ANO1: variants seen among roughly 807,000 people sequenced by gnomAD.
The protein encoded by ANO1 is anoctamin-1.
A neutral mutation model predicts 124.0 loss-of-function variants in ANO1; 59 were observed. The observed-to-expected ratio is 0.48, with a 90% CI of 0.39 to 0.59. The LOEUF (loss-of-function observed/expected upper bound fraction) is 0.59, where lower values mean the gene tolerates loss of function less well. Ranked by LOEUF, ANO1 falls within the 20% of genes least tolerant of loss-of-function variation. ANO1 has a pLI of 0.00. For synonymous variants in ANO1, 529 were observed against 532.0 expected (o/e 0.99, Z 0.08); for missense variants, 1,059 against 1,328.0 (o/e 0.80, Z 3.15).
intron 1 of ANO1, chr11:70,085,346 C>T (rs2044330527): frequency 6.3e-6 from 9 of 1,428,084 alleles, no homozygotes; most frequent in Non-Finnish European, 6.4e-6. Context: ...AGCCACCCAC[C>T]CACATGGGCG....
At chr11:70,037,614 G>A (rs1213349703) in intron 1 of ANO1, among the ~76,000 whole-genome samples, 1 of 152,230 alleles carries the variant, frequency 6.6e-6, no homozygotes, top group African/African-American at 2.4e-5. Flanking sequence ...CTGCATGACA[G>A]CTGAGGGGTC....
At chr11:70,027,722 G>A (rs556701311) in intron 1 of ANO1, among the ~76,000 whole-genome samples, 1 of 152,338 alleles carries the variant, frequency 6.6e-6, no homozygotes, top group African/African-American at 2.4e-5. Context: ...GTGGCCACGT[G>A]TGCCAGGGCA....
At chr11:70,165,851 C>T (rs1590902058) in intron 20 of ANO1, among the ~76,000 whole-genome samples, 2 of 149,824 alleles carry the variant, frequency 1.3e-5, no homozygotes, top group African/African-American at 4.9e-5. Context: ...GAGACTGCAC[C>T]TCTACAAAAA....
At chr11:70,001,185 T>C (rs782681523) in intron 1 of ANO1, among the ~76,000 whole-genome samples, 1 of 152,210 alleles carries the variant, frequency 6.6e-6, no homozygotes, top group African/African-American at 2.4e-5. Context: ...GCTCCTCACA[T>C]ACAGCTGTAG....
intron 16 of ANO1, among the ~76,000 whole-genome samples, chr11:70,160,722 A>T (rs1414352904): frequency 6.6e-6 from 1 of 152,186 alleles, no homozygotes; most frequent in East Asian, 1.9e-4. Flanking sequence ...GGGTTGGGGG[A>T]GAAGCCCCAT....
chr11:70,030,857 G>A (rs1856988091), intron 1 of ANO1, among the ~76,000 whole-genome samples: 1 of 152,220 alleles, frequency 6.6e-6, no homozygotes, highest in South Asian at 2.1e-4. Context: ...TCCCACAGAG[G>A]CAGAAGGAAG....
At chr11:69,990,188 A>G (rs1856126822) in intron 1 of ANO1, among the ~76,000 whole-genome samples, 1 of 151,948 alleles carries the variant, frequency 6.6e-6, no homozygotes, top group African/African-American at 2.4e-5. Context: ...ACCTCTATCT[A>G]TTCTAATTTC....
At chr11:70,170,104 C>G (rs1463949955) in intron 21 of ANO1, 1 of 454,556 alleles carries the variant, frequency 2.2e-6, no homozygotes, top group African/African-American at 2.0e-5. Context: ...CAGTGGGTCC[C>G]CACCCGGATC....
rs979114282 is a variant in ANO1 at position 69,999,200 on chromosome 11, A to G, written c.58+13034A>G. The stretch of plus-strand genomic sequence containing the variant: ...GGTAGGACTCAGGAAGCTTACAATC[A>G]TGGAGGAAGGCGAAGGGGAAGCAGG... On this transcript the variant is annotated intron_variant, in intron 1 of 27. Transcript: ENST00000531349. Among the ~76,000 whole-genome samples the G allele has an allele frequency of 2.7e-4, 41 of 152,140 alleles. 1 individual carries two copies. The highest frequency in any genetic ancestry group is 1.5e-5 in the Non-Finnish European group (1 of 68,026).
At chr11:70,155,786 C>A (rs2047787308) in intron 14 of ANO1, 125 bp from the exon 15 acceptor site, 1 of 836,104 alleles carries the variant, frequency 1.2e-6, no homozygotes, top group Non-Finnish European at 1.8e-6. Context: ...TGGCAGTGAG[C>A]TTACGGCCCG....
rs764136451 is a variant in ANO1 at position 70,170,860 on chromosome 11, C to T, written c.2198-27C>T. On this transcript the variant is annotated intron_variant, in intron 21 of 25. Transcript: ENST00000355303. ...CTTATGGGCTGTGGCTCACGGGGTG[C>T]TGACTAGCACTGGGCTCTCTCTGCA... 2.5e-6 allele frequency: 4 copies of T among 1,608,354 alleles called. No individual in the cohort carries two copies. In the Admixed American group the frequency reaches 6.7e-5, roughly 27 times the overall value.
At chr11:69,984,403 C>T (rs1234458202), upstream of ANO1, among the ~76,000 whole-genome samples, 4 of 109,094 alleles carry the variant, frequency 3.7e-5, no homozygotes, top group African/African-American at 1.3e-4. Context: ...TTTCTGAGTC[C>T]GGACTGAAAC....
chr11:70,114,859 G>A (rs1195101739), intron 7 of ANO1, among the ~76,000 whole-genome samples: 2 of 152,126 alleles, frequency 1.3e-5, no homozygotes, highest in African/African-American at 4.8e-5. Flanking sequence ...GTTGTGTGTG[G>A]GTAAGAGTCA....
At chr11:70,099,102 C>A (rs144730943) in intron 2 of ANO1, among the ~76,000 whole-genome samples, 3 of 152,096 alleles carry the variant, frequency 2.0e-5, no homozygotes, top group African/African-American at 7.2e-5. Flanking sequence ...CCCCCACGGC[C>A]GTGGCTCTCG....
At chr11:70,112,079 C>G (rs769907725) in intron 7 of ANO1, among the ~76,000 whole-genome samples, 1 of 152,222 alleles carries the variant, frequency 6.6e-6, no homozygotes, top group East Asian at 1.9e-4. Flanking sequence ...TCCCCTACCC[C>G]CAGCTGGCCC....
intron 8 of ANO1, among the ~76,000 whole-genome samples, chr11:70,120,294 C>T (rs570843108): frequency 6.6e-6 from 1 of 152,066 alleles, no homozygotes; most frequent in African/African-American, 2.4e-5. Flanking sequence ...ACTTGGGAGC[C>T]CCTTCCTCCA....
rs896658888 is a variant in ANO1 at position 70,126,300 on chromosome 11, TG to T, written c.1097+106del. On this transcript the variant is annotated intron_variant, in intron 10 of 25. Transcript: ENST00000355303. Reference sequence around the variant, plus strand: ...GACACTGGCCTCTCACACCAATTCCTGTACACATGAAACCTCACGCCAAGCC... The same window carrying T: ...GACACTGGCCTCTCACACCAATTCCTTACACATGAAACCTCACGCCAAGCC... The T allele has an allele frequency of 1.7e-5, 24 of 1,388,148 alleles. No homozygotes were observed. The African/African-American group carries it at 1.7e-4, about 10-fold the overall frequency. The allele number at this position is 1,388,148 out of a possible 1,614,324, so 86.0% of individuals were successfully genotyped here.
rs560898356 is a variant in ANO1, at chr11:70,133,943, A to G, written c.1258+1864A>G. Among the ~76,000 whole-genome samples the G allele has an allele frequency of 4.0e-4, 61 of 152,228 alleles. 1 individual carries two copies. The highest frequency in any genetic ancestry group is 3.8e-3 in the Admixed American group (58 of 15,304). ...CTCACCAACACTGTATCTCATTCCT[A>G]CCCTTCCGGAGACCCGGGACAGAGG... On this transcript the variant is annotated intron_variant, in intron 11 of 25. Transcript: ENST00000355303.
rs1219006882 is a variant in ANO1, at chr11:70,025,938, G to T, written c.58+39772G>T. On this transcript the variant is annotated intron_variant, in intron 1 of 27. Coordinates refer to the ANO1 transcript ENST00000531349. ...GGTGGTGACGATGATGATGGTGCTG[G>T]TGGTAGTGGTGATGACAGTGATGAT... Among the ~76,000 whole-genome samples, 15 of 144,342 alleles carry T rather than the reference G, an allele frequency of 1.0e-4. No homozygotes were observed. The South Asian group carries it at 3.3e-3, about 32-fold the overall frequency. 94.7% of individuals were successfully genotyped at this position (144,342 alleles called of 152,430 possible).
Sources: gnomAD v4.1 joint callset for allele counts (sites outside exome capture counted in the v4.1 genomes callset) on GRCh38, gnomAD v4.1.1 for gene constraint, MANE v1.5 for transcripts, NCBI Gene and HGNC (gene_info 2026-07-23, HGNC 2026-07-21) for gene names.